The following CAPN8 variants were observed in gnomAD, a reference collection of about 807,000 sequenced individuals.
The protein encoded by CAPN8 is calpain-8.
In CAPN8, 87 loss-of-function variants were observed where a neutral mutation model predicts 80.9. The ratio of observed to expected loss-of-function variants is 1.07; its 90% CI spans 0.90 to 1.28. The LOEUF (loss-of-function observed/expected upper bound fraction) is 1.28. Ranked by LOEUF, CAPN8 falls within the 50% of genes most tolerant of loss-of-function variation. The pLI, the probability that CAPN8 is intolerant of heterozygous loss-of-function variation, is 0.00. For missense variants in CAPN8, 757 were observed against 702.0 expected, an observed-to-expected ratio of 1.08 and a Z score of -0.89; for synonymous variants, 299 against 273.8, an observed-to-expected ratio of 1.09 and a Z score of -0.91.
intron 11 of CAPN8, among the ~76,000 whole-genome samples, chr1:223,610,360 C>A: frequency 6.6e-6 from 1 of 152,160 alleles, no homozygotes; most frequent in East Asian, 1.9e-4. Context: ...TCAGGCAGTC[C>A]CCACTAACCC....
At chr1:223,622,021 G>A (rs1219811086) in intron 7 of CAPN8, among the ~76,000 whole-genome samples, 2 of 152,048 alleles carry the variant, frequency 1.3e-5, no homozygotes, top group African/African-American at 2.4e-5. Context: ...GGTCAGGCTG[G>A]TCTCGAACTC....
chr1:223,625,482 G>T (rs35536538), intron 6 of CAPN8, among the ~76,000 whole-genome samples: 2 of 151,894 alleles, frequency 1.3e-5, no homozygotes, highest in Admixed American at 6.6e-5. Flanking sequence ...TTTTCGTAGC[G>T]ATGAGGTCTT....
chr1:223,649,166 A>G (rs1206205274), intron 2 of CAPN8, among the ~76,000 whole-genome samples: 3 of 152,238 alleles, frequency 2.0e-5, no homozygotes, highest in Non-Finnish European at 4.4e-5. Context: ...CTACTTTTAT[A>G]CAGTAGCATC....
At chr1:223,657,597 TC>T (rs367621904) in intron 1 of CAPN8, among the ~76,000 whole-genome samples, 59 of 152,192 alleles carry the variant, frequency 3.9e-4, no homozygotes, top group African/African-American at 1.4e-3. Context: ...CAAAACCCTG[TC>T]TCTACTAAAA....
intron 1 of CAPN8, among the ~76,000 whole-genome samples, chr1:223,662,728 T>C (rs2102742338): frequency 6.6e-6 from 1 of 152,298 alleles, no homozygotes; most frequent in Middle Eastern, 3.4e-3. Context: ...GAACTTACAA[T>C]GCACCACATT....
intron 1 of CAPN8, among the ~76,000 whole-genome samples, chr1:223,661,131 A>T (rs1391230020): frequency 6.6e-6 from 1 of 151,608 alleles, no homozygotes; most frequent in Middle Eastern, 3.2e-3. Flanking sequence ...GAACCACTGC[A>T]GTCCAGCCTA....
At chr1:223,546,020 G>T (rs1656612582) in intron 16 of CAPN8, among the ~76,000 whole-genome samples, 1 of 136,620 alleles carries the variant, frequency 7.3e-6, no homozygotes, top group Non-Finnish European at 1.5e-5. Flanking sequence ...TTTTAGTAGA[G>T]ATGGTTTCAC....
In CAPN8 at chr1:223,545,259, G is replaced by T; in HGVS notation, c.1805C>A (p.Thr602Lys). ...ATACTTCTGAATCTTCAGCCAGAGC[G>T]TCTTGAATTCCACCGCCCCCAAAGT... ...TGTLGAVEFK[T>K]LWLKIQKYLE... Residue 602 changes from threonine to lysine, a missense_variant, in exon 17 of 21, where the codon ACG becomes AAG. Physicochemically the swap from Thr to Lys is moderately conservative, Grantham distance 78. Coordinates refer to ENST00000366872, the MANE Select transcript of CAPN8 (RefSeq NM_001143962.2). 6.4e-7 allele frequency: 1 copy of T among 1,551,670 alleles called. No individual in the cohort carries two copies. The highest frequency in any genetic ancestry group is 8.7e-7 in the Non-Finnish European group (1 of 1,146,980).
chr1:223,626,305 C>G (rs1657576328), intron 5 of CAPN8, among the ~76,000 whole-genome samples: 1 of 152,160 alleles, frequency 6.6e-6, no homozygotes, highest in Non-Finnish European at 1.5e-5. Context: ...CTCCCATGCC[C>G]CATACCACCC....
intron 9 of CAPN8, chr1:223,618,152 C>A: frequency 1.4e-6 from 2 of 1,403,530 alleles, no homozygotes; most frequent in South Asian, 1.3e-5. Context: ...AGGCAGGGAA[C>A]ATGGGGAGCA....
intron 6 of CAPN8, among the ~76,000 whole-genome samples, chr1:223,623,734 G>A (rs61825180): frequency 0.49 from 74,110 of 152,038 alleles, 18,315 homozygotes; most frequent in African/African-American, 0.53. Context: ...AGTGGCTCAC[G>A]CCTGTGATCC....
At chr1:223,622,006 A>G (rs1188066372) in intron 7 of CAPN8, among the ~76,000 whole-genome samples, 1 of 152,048 alleles carries the variant, frequency 6.6e-6, no homozygotes, top group Non-Finnish European at 1.5e-5. Context: ...GGGTTTCACC[A>G]TGTTGGTCAG....
chr1:223,624,059 A>G (rs1657487460), intron 6 of CAPN8, among the ~76,000 whole-genome samples: 1 of 151,882 alleles, frequency 6.6e-6, no homozygotes, highest in Non-Finnish European at 1.5e-5. Flanking sequence ...TGTAAAGAAC[A>G]TCTGTTTCAT....
At chr1:223,617,290 GGTTGT>G (rs1359931664) in intron 9 of CAPN8, 4 of 148,498 alleles carry the variant, frequency 2.7e-5, no homozygotes, top group Admixed American at 1.3e-4. Context: ...TGGGGGGGGG[GGTTGT>G]TTGTTTTGTT....
At chr1:223,664,548 C>T (rs570513299) in intron 1 of CAPN8, among the ~76,000 whole-genome samples, 16 of 152,256 alleles carry the variant, frequency 1.1e-4, no homozygotes, top group Non-Finnish European at 1.8e-4. Context: ...CAGAGTTTAC[C>T]GGCCCAAAAC....
rs1657168809 is a variant in CAPN8 at position 223,616,023 on chromosome 1, A to T, written c.1258T>A (p.Trp420Arg). ...ATGCCTTGTCCTATCCGCTTCCGCCACCTGCGATTTTTCTGCATCAGGCCC... is the reference window on the plus strand; with the variant it reads ...ATGCCTTGTCCTATCCGCTTCCGCCTCCTGCGATTTTTCTGCATCAGGCCC... ...LLGLMQKNRR[W>R]RKRIGQGMLS... The change falls in exon 10 of 21, where the codon TGG (tryptophan) becomes AGG (arginine). Residue 420 changes from tryptophan to arginine, a missense_variant. Transcript: ENST00000366872. The T allele has an allele frequency of 3.9e-6, 6 of 1,552,294 alleles. No individual in the cohort carries two copies. Among genetic ancestry groups the T allele is most frequent in the Non-Finnish European group, 5.2e-6 (6 of 1,147,124 alleles).
In CAPN8 at chr1:223,629,197, A is replaced by AGTGTGTGT. The variant is rs113967295; in HGVS notation, c.308-425_308-418dup. Among the ~76,000 whole-genome samples, 402 of 95,308 alleles carry AGTGTGTGT rather than the reference A, an allele frequency of 4.2e-3. 2 individuals are homozygous for AGTGTGTGT. Among genetic ancestry groups the AGTGTGTGT allele is most frequent in the East Asian group, 9.8e-3 (36 of 3,686 alleles). The allele number at this position is 95,308 out of a possible 152,430, so 62.5% of individuals were successfully genotyped here. ...CCAATCTATGATGTGTACGTGTAAG[A>AGTGTGTGT]GTGTGTGTGTGTGTGTGTGTGTGTG... On this transcript the variant is annotated intron_variant, in intron 2 of 20. Coordinates refer to ENST00000366872, the MANE Select transcript of CAPN8 (RefSeq NM_001143962.2).
chr1:223,632,405 C>T (rs1426037754), intron 2 of CAPN8, among the ~76,000 whole-genome samples: 2 of 142,562 alleles, frequency 1.4e-5, no homozygotes, highest in East Asian at 2.0e-4. Flanking sequence ...GACAAGGTCT[C>T]GCTCTGTTGC....
At chr1:223,626,123 A>C (rs1019208654) in intron 5 of CAPN8, among the ~76,000 whole-genome samples, 3 of 152,182 alleles carry the variant, frequency 2.0e-5, no homozygotes, top group Non-Finnish European at 2.9e-5. Flanking sequence ...ACAATTTACC[A>C]GCCTTCAAAA....
Sources: gnomAD v4.1 joint callset for allele counts (sites outside exome capture counted in the v4.1 genomes callset) on GRCh38, gnomAD v4.1.1 for gene constraint, MANE v1.5 for transcripts, NCBI Gene and HGNC (gene_info 2026-07-23, HGNC 2026-07-21) for gene names.